Variants in FARP1 observed in about 807,000 individuals in gnomAD.
FARP1 encodes the protein FERM, ARHGEF and pleckstrin domain-containing protein 1.
A neutral mutation model predicts 128.8 loss-of-function variants in FARP1; 52 were observed. That is an observed-to-expected ratio of 0.40 (90% CI 0.32 to 0.51). FARP1 has a LOEUF of 0.51. FARP1 is among the 20% of genes least tolerant of loss of function. The probability of loss-of-function intolerance (pLI) is 0.45; values close to 1 mark genes in which losing one functional copy is unlikely to be tolerated. For missense variants in FARP1, 1,333 were observed against 1,367.9 expected, an observed-to-expected ratio of 0.97 and a Z score of 0.40; for synonymous variants, 580 against 551.8, an observed-to-expected ratio of 1.05 and a Z score of -0.72.
chr13:98,157,760 A>G (rs1249551275), intron 1 of FARP1, among the ~76,000 whole-genome samples: 1 of 152,252 alleles, frequency 6.6e-6, no homozygotes, highest in Non-Finnish European at 1.5e-5. Context: ...ACTTAGAGCA[A>G]CTTCTACTTA....
intron 24 of FARP1, 43 bp from the exon 25 acceptor site, chr13:98,446,055 G>T (rs377251912): frequency 1.3e-4 from 173 of 1,346,150 alleles, no homozygotes; most frequent in Non-Finnish European, 1.6e-5. Flanking sequence ...CCCTCCTGGG[G>T]CAGGTGCCCG....
chr13:98,193,819 G>T (rs1449723227), intron 1 of FARP1, among the ~76,000 whole-genome samples: 1 of 152,154 alleles, frequency 6.6e-6, no homozygotes, highest in Non-Finnish European at 1.5e-5. Context: ...GATGATTGTG[G>T]CCTGATTTAG....
chr13:98,448,841 G>GAAGT lies in FARP1; in HGVS notation c.*525_*528dup. The GAAGT allele has an allele frequency of 6.6e-6, 1 of 152,384 alleles. No individual in the cohort carries two copies. Among genetic ancestry groups the GAAGT allele is most frequent in the Non-Finnish European group, 1.5e-5 (1 of 68,330 alleles). 9.4% of individuals were successfully genotyped at this position (152,384 alleles called of 1,614,324 possible). ...AGTCTTTCTACTTTTGTAATAATAG[G>GAAGT]AAGTTAGTAGGACTCACTTCTCTGA... On this transcript the variant is annotated 3_prime_UTR_variant, in exon 27 of 27. Transcript: ENST00000319562.
chr13:98,185,505 C>T (rs1878802110), intron 1 of FARP1, among the ~76,000 whole-genome samples: 1 of 152,120 alleles, frequency 6.6e-6, no homozygotes, highest in Admixed American at 6.5e-5. Context: ...GGGAGATAAG[C>T]AAGTGCTCTG....
At chr13:98,225,783 AT>A (rs1300917744) in intron 2 of FARP1, among the ~76,000 whole-genome samples, 2 of 152,064 alleles carry the variant, frequency 1.3e-5, no homozygotes, top group Non-Finnish European at 2.9e-5. Context: ...TTCCAAACTT[AT>A]TTTTGCCCTC....
At chr13:98,162,621 T>A (rs1876966070) in intron 1 of FARP1, among the ~76,000 whole-genome samples, 2 of 152,172 alleles carry the variant, frequency 1.3e-5, no homozygotes, top group Admixed American at 1.3e-4. Flanking sequence ...CAGATATACA[T>A]TTATTTATGA....
intron 3 of FARP1, among the ~76,000 whole-genome samples, chr13:98,355,353 T>TA (rs1196439946): frequency 7.2e-5 from 11 of 152,002 alleles, no homozygotes; most frequent in Middle Eastern, 3.2e-3. Flanking sequence ...CTCAAAAAAA[T>TA]AAAAAATCTC....
intron 20 of FARP1, 36 bp downstream of exon 20, chr13:98,438,908 G>A: frequency 6.2e-7 from 1 of 1,602,780 alleles, no homozygotes; most frequent in African/African-American, 1.3e-5. Context: ...CACAAGGATT[G>A]TGTCACCTGG....
chr13:98,393,598 CA>C (rs756837330), intron 11 of FARP1, 44 bp from the exon 12 acceptor site: 1 of 1,511,018 alleles, frequency 6.6e-7, no homozygotes, highest in Non-Finnish European at 9.2e-7. Flanking sequence ...GAAAAAGAAA[CA>C]AAAACCTCAC....
At chr13:98,427,586 G>A (rs1891836092) in intron 17 of FARP1, among the ~76,000 whole-genome samples, 1 of 152,210 alleles carries the variant, frequency 6.6e-6, no homozygotes, top group South Asian at 2.1e-4. Flanking sequence ...TTCAGCAAGT[G>A]TCCTTCGTGC....
intron 16 of FARP1, among the ~76,000 whole-genome samples, chr13:98,419,173 T>C (rs1891497594): frequency 1.3e-5 from 2 of 152,136 alleles, no homozygotes; most frequent in Non-Finnish European, 2.9e-5. Flanking sequence ...CTGATACATA[T>C]GTCATACACA....
chr13:98,176,432 T>A lies in FARP1; in HGVS notation c.-24+32940T>A. ...TCGCAGAAATAATGCCTGCACTTGGTGACGACTGGGTTTTGGAAGGCCTGG... is the reference window on the plus strand; with the variant it reads ...TCGCAGAAATAATGCCTGCACTTGGAGACGACTGGGTTTTGGAAGGCCTGG... On this transcript the variant is annotated intron_variant, in intron 1 of 26. Transcript: ENST00000319562. The surrounding 1 kb of genome is among the most constrained non-coding windows in gnomAD (Gnocchi z 6.2). 1 of 1,614,202 alleles carries A rather than the reference T, an allele frequency of 6.2e-7. No homozygotes were observed. Among genetic ancestry groups the A allele is most frequent in the Non-Finnish European group, 8.5e-7 (1 of 1,180,034 alleles).
intron 2 of FARP1, among the ~76,000 whole-genome samples, chr13:98,307,923 C>T (rs1319923694): frequency 6.6e-6 from 1 of 152,010 alleles, no homozygotes; most frequent in Non-Finnish European, 1.5e-5. Context: ...CACGCAAGAT[C>T]GTTTACAATC....
chr13:98,216,270 G>A (rs1216366638), intron 2 of FARP1, among the ~76,000 whole-genome samples: 1 of 152,174 alleles, frequency 6.6e-6, no homozygotes, highest in Non-Finnish European at 1.5e-5. Context: ...GAAAGGCATG[G>A]GGGCTGGCTG....
intron 13 of FARP1, chr13:98,396,819 T>C (rs572051698): frequency 4.6e-6 from 1 of 215,842 alleles, no homozygotes; most frequent in African/African-American, 2.3e-5. Context: ...TAGTGTGTTA[T>C]ATTTATATGG....
At position 98,453,068 on chromosome 13, in the gene FARP1, C is replaced by T. The variant is rs149674973; in HGVS notation, c.*4751C>T. The stretch of plus-strand genomic sequence containing the variant: ...CTGGCGCTGGGGTGGCTCCCAGTGG[C>T]GCACCTCTTCGGTGGAGTCAGCGAA... On this transcript the variant is annotated 3_prime_UTR_variant, in exon 27 of 27. Coordinates refer to ENST00000319562, the MANE Select transcript of FARP1 (RefSeq NM_005766.4). The T allele has an allele frequency of 7.0e-4, 950 of 1,360,178 alleles. 1 individual carries two copies. The highest frequency in any genetic ancestry group is 5.4e-3 in the East Asian group (224 of 41,756). The allele number at this position is 1,360,178 out of a possible 1,614,324, so 84.3% of individuals were successfully genotyped here.
intron 2 of FARP1, among the ~76,000 whole-genome samples, chr13:98,245,653 C>G (rs981012265): frequency 2.6e-5 from 4 of 152,154 alleles, no homozygotes; most frequent in Non-Finnish European, 5.9e-5. Flanking sequence ...TAGAACTATT[C>G]TTTAGAAGAA....
intron 2 of FARP1, among the ~76,000 whole-genome samples, chr13:98,312,822 C>T (rs984800305): frequency 6.6e-6 from 1 of 152,154 alleles, no homozygotes; most frequent in Admixed American, 6.5e-5. Flanking sequence ...GGCGCTCTGC[C>T]TTCTCCCTCA....
At chr13:98,160,576 T>TAC (rs1490864413) in intron 1 of FARP1, among the ~76,000 whole-genome samples, 1 of 152,184 alleles carries the variant, frequency 6.6e-6, no homozygotes, top group African/African-American at 2.4e-5. Flanking sequence ...GCAGAATACA[T>TAC]ACACACAGAC....
Sources: allele counts gnomAD v4.1 joint callset (sites outside exome capture counted in the v4.1 genomes callset), GRCh38; gene constraint gnomAD v4.1.1; non-coding constraint Gnocchi (gnomAD v3.1); transcripts MANE v1.5; gene names NCBI Gene and HGNC (gene_info 2026-07-23, HGNC 2026-07-21).